The following RPS6KA2 variants were observed in gnomAD, a reference collection of about 807,000 sequenced individuals.
RPS6KA2 encodes ribosomal protein S6 kinase A2.
In RPS6KA2, 42 loss-of-function variants were observed where a neutral mutation model predicts 91.8. The observed-to-expected ratio is 0.46, with a 90% confidence interval of 0.36 to 0.59. RPS6KA2 has a LOEUF of 0.59. RPS6KA2 is among the 20% of genes least tolerant of loss of function. The probability of loss-of-function intolerance (pLI) is 0.00; values close to 1 mark genes in which losing one functional copy is unlikely to be tolerated. For missense variants in RPS6KA2, 798 were observed against 978.5 expected (o/e 0.82, Z 2.46); for synonymous variants, 414 against 393.6 (o/e 1.05, Z -0.61).
chr6:166,814,139 G>A (rs181235242), intron 2 of RPS6KA2, among the ~76,000 whole-genome samples: 252 of 152,202 alleles, frequency 1.7e-3, no homozygotes, highest in Non-Finnish European at 3.1e-3. Flanking sequence ...ATTGCATTAG[G>A]ATGATCTCAT....
chr6:166,625,864 T>G (rs943602870), intron 1 of RPS6KA2, among the ~76,000 whole-genome samples: 1 of 152,220 alleles, frequency 6.6e-6, no homozygotes, highest in East Asian at 1.9e-4. Context: ...AAGAGAAACT[T>G]TTTAAACAAG....
rs1779900106 is a variant in RPS6KA2, at chr6:166,821,391, T to C, written c.123+36809A>G. On this transcript the variant is annotated intron_variant, in intron 2 of 21. Transcript: ENST00000503859. This position sits in a 1 kb window ranked among gnomAD's most constrained non-coding sequence, Gnocchi z 4.1. ...TCAGGCCCTGTGGGTGCGCTTCACA[T>C]GCGTGGGGCTGTAGGATGGAGGGGT... Among the ~76,000 whole-genome samples, 1 of 152,034 alleles carries C rather than the reference T, an allele frequency of 6.6e-6. No individual in the cohort carries two copies. The highest frequency in any genetic ancestry group is 2.4e-5 in the African/African-American group (1 of 41,394).
In RPS6KA2 at chr6:166,783,842, A is replaced by AC. The variant is rs1459978371; in HGVS notation, c.123+74357_123+74358insG. Among the ~76,000 whole-genome samples the AC allele has an allele frequency of 6.4e-5, 4 of 62,604 alleles. 2 individuals are homozygous for AC. The highest frequency in any genetic ancestry group is 1.5e-4 in the Non-Finnish European group (4 of 26,460). 41.1% of individuals were successfully genotyped at this position (62,604 alleles called of 152,430 possible). On this transcript the variant is annotated intron_variant, in intron 2 of 21. Transcript: ENST00000503859. ...ACCACATATGCACACGTGCACACCT[A>AC]TCTATACCACATATGCACACGTGCA... is the stretch of plus-strand genomic sequence containing the variant.
At chr6:166,812,336 A>G (rs897945952) in intron 2 of RPS6KA2, among the ~76,000 whole-genome samples, 1 of 152,176 alleles carries the variant, frequency 6.6e-6, no homozygotes, top group Non-Finnish European at 1.5e-5. Context: ...GGCCTGGGCG[A>G]CAGAGTGAGA....
At chr6:166,581,677 T>G (rs1785012964) in intron 1 of RPS6KA2, among the ~76,000 whole-genome samples, 1 of 152,204 alleles carries the variant, frequency 6.6e-6, no homozygotes, top group South Asian at 2.1e-4. Flanking sequence ...AGTTTAGATT[T>G]GAAAGCCCTT....
intron 2 of RPS6KA2, among the ~76,000 whole-genome samples, chr6:166,792,587 T>C (rs1779120279): frequency 1.3e-5 from 2 of 151,868 alleles, no homozygotes; most frequent in Non-Finnish European, 2.9e-5. Flanking sequence ...CTGATGAACA[T>C]CGATGCAAAA....
chr6:166,576,419 A>G (rs928228537), intron 1 of RPS6KA2, among the ~76,000 whole-genome samples: 2 of 152,242 alleles, frequency 1.3e-5, no homozygotes, highest in Admixed American at 1.3e-4. Flanking sequence ...GACTTGCTGA[A>G]TGGCTTTGAC....
intron 2 of RPS6KA2, among the ~76,000 whole-genome samples, chr6:166,774,331 C>T (rs1778557216): frequency 6.6e-6 from 1 of 152,216 alleles, no homozygotes; most frequent in Admixed American, 6.5e-5. Flanking sequence ...AGTTGATAGA[C>T]TCGATATCAG....
chr6:166,679,641 C>T (rs915915461), intron 2 of RPS6KA2, among the ~76,000 whole-genome samples: 5 of 152,204 alleles, frequency 3.3e-5, no homozygotes, highest in Admixed American at 1.3e-4. Context: ...AACCTGGCGG[C>T]GCTCCTCGAT....
intron 1 of RPS6KA2, among the ~76,000 whole-genome samples, chr6:166,552,389 C>T (rs1784047434): frequency 6.6e-6 from 1 of 152,232 alleles, no homozygotes; most frequent in Non-Finnish European, 1.5e-5. Flanking sequence ...CAGAATCACC[C>T]AGTGGCATGG....
rs113840244 is a variant in RPS6KA2, at chr6:166,594,761, C to CG, written c.99+32159_99+32160insC. ...ACAGGCGTGAGCCACTGCGCCCAGC[C>CG]CAAACACACAGATTTTTCAAAGATC... On this transcript the variant is annotated intron_variant, in intron 1 of 20. Transcript: ENST00000265678. Among the ~76,000 whole-genome samples the CG allele has an allele frequency of 5.4e-3, 817 of 152,290 alleles. 7 individuals are homozygous for CG. The highest frequency in any genetic ancestry group is 0.019 in the African/African-American group (775 of 41,550).
intron 2 of RPS6KA2, among the ~76,000 whole-genome samples, chr6:166,735,330 T>C (rs1048484342): frequency 1.3e-4 from 20 of 152,322 alleles, no homozygotes; most frequent in Admixed American, 1.3e-3. Context: ...GACAATACTC[T>C]CATGGCGGAC....
intron 1 of RPS6KA2, among the ~76,000 whole-genome samples, chr6:166,572,317 A>G (rs1784713389): frequency 1.3e-5 from 2 of 152,266 alleles, no homozygotes; most frequent in Non-Finnish European, 2.9e-5. Context: ...AACGATTTCA[A>G]ACTTCCAACA....
At chr6:166,681,027 A>C (rs186899399) in intron 2 of RPS6KA2, among the ~76,000 whole-genome samples, 3 of 152,164 alleles carry the variant, frequency 2.0e-5, no homozygotes, top group Non-Finnish European at 2.9e-5. Context: ...TGTCTCTCCC[A>C]TATCTTCTCA....
intron 5 of RPS6KA2, among the ~76,000 whole-genome samples, chr6:166,504,849 G>A (rs564607623): frequency 1.7e-4 from 26 of 152,242 alleles, no homozygotes; most frequent in Admixed American, 1.5e-3. Context: ...GACTCATGCC[G>A]CCTTGAGAGT....
chr6:166,671,425 G>A (rs149017209), intron 2 of RPS6KA2, among the ~76,000 whole-genome samples: 101 of 152,162 alleles, frequency 6.6e-4, no homozygotes, highest in African/African-American at 2.4e-3. Context: ...CAATCTCAAG[G>A]CAGTCATATT....
intron 16 of RPS6KA2, among the ~76,000 whole-genome samples, chr6:166,428,945 C>T (rs535533964): frequency 0.017 from 2,607 of 151,054 alleles, 53 homozygotes; most frequent in African/African-American, 0.058. Context: ...GGTATATACC[C>T]AAAGGACTAT....
At chr6:166,677,533 G>A (rs1425954995) in intron 2 of RPS6KA2, among the ~76,000 whole-genome samples, 1 of 151,938 alleles carries the variant, frequency 6.6e-6, no homozygotes, top group African/African-American at 2.4e-5. Flanking sequence ...GCTAATTTTT[G>A]TATTTTTAGT....
chr6:166,841,146 G>A (rs1431545404), intron 2 of RPS6KA2, among the ~76,000 whole-genome samples: 1 of 151,436 alleles, frequency 6.6e-6, no homozygotes, highest in Non-Finnish European at 1.5e-5. Flanking sequence ...AATTAGCCAG[G>A]CAGCTACTCA....
Sources: gnomAD v4.1 joint callset for allele counts (sites outside exome capture counted in the v4.1 genomes callset) on GRCh38, gnomAD v4.1.1 for gene constraint, Gnocchi (gnomAD v3.1) non-coding constraint, MANE v1.5 for transcripts, NCBI Gene and HGNC (gene_info 2026-07-23, HGNC 2026-07-21) for gene names.